PTPRZ1: variants seen among roughly 807,000 people sequenced by gnomAD.
The protein encoded by PTPRZ1 is protein tyrosine phosphatase receptor type Z1.
A neutral mutation model predicts 214.1 loss-of-function variants in PTPRZ1; 82 were observed. That is an observed-to-expected ratio of 0.38 (90% confidence interval 0.32 to 0.46). PTPRZ1 has a LOEUF of 0.46. Ranked by LOEUF, PTPRZ1 falls within the 20% of genes least tolerant of loss-of-function variation. The pLI, the probability that PTPRZ1 is intolerant of heterozygous loss-of-function variation, is 1.00. For missense variants in PTPRZ1, 2,603 were observed against 2,748.7 expected (o/e 0.95, Z 1.19); for synonymous variants, 945 against 987.9 (o/e 0.96, Z 0.81).
intron 27 of PTPRZ1, among the ~76,000 whole-genome samples, chr7:122,055,342 G>A (rs1792315843): frequency 6.6e-6 from 1 of 151,858 alleles, no homozygotes; most frequent in Non-Finnish European, 1.5e-5. Context: ...CAGATTAGTG[G>A]TTGACAGAAC....
chr7:122,054,917 C>G, intron 26 of PTPRZ1, 24 bp from the exon 27 acceptor site: 8 of 1,572,870 alleles, frequency 5.1e-6, no homozygotes, highest in Non-Finnish European at 6.9e-6. Flanking sequence ...AATCTAGACT[C>G]TTCTTTCATT....
At chr7:121,990,763 G>C (rs552483279) in intron 8 of PTPRZ1, among the ~76,000 whole-genome samples, 1 of 152,014 alleles carries the variant, frequency 6.6e-6, no homozygotes, top group African/African-American at 2.4e-5. Flanking sequence ...CAGGTGATCC[G>C]CCTGCCCTCA....
chr7:121,915,996 C>A (rs1795413174), intron 1 of PTPRZ1, among the ~76,000 whole-genome samples: 3 of 151,998 alleles, frequency 2.0e-5, no homozygotes, highest in Non-Finnish European at 4.4e-5. Flanking sequence ...TCTTTTTTGG[C>A]CAGGCGCAGT....
rs112395038 is a variant in PTPRZ1 at position 121,900,507 on chromosome 7, A to G, written c.58+26950A>G. ...CTCCATGAAGTCCTCAGCACCAGAG[A>G]CTAACTTACCACATGATATGTAAAT... is the stretch of plus-strand genomic sequence containing the variant. On this transcript the variant is annotated intron_variant, in intron 1 of 29. Coordinates refer to ENST00000393386, the MANE Select transcript of PTPRZ1 (RefSeq NM_002851.3). Among the ~76,000 whole-genome samples the G allele has an allele frequency of 5.4e-3, 816 of 152,314 alleles. 7 individuals are homozygous for G. Among genetic ancestry groups the G allele is most frequent in the African/African-American group, 0.018 (769 of 41,576 alleles).
chr7:122,020,915 A>T (rs1001591632), intron 13 of PTPRZ1, among the ~76,000 whole-genome samples: 1 of 152,176 alleles, frequency 6.6e-6, no homozygotes, highest in African/African-American at 2.4e-5. Flanking sequence ...ACAAAAATAA[A>T]TATTGCTTTT....
intron 2 of PTPRZ1, among the ~76,000 whole-genome samples, chr7:121,967,478 C>A (rs1442021306): frequency 6.6e-6 from 1 of 152,206 alleles, no homozygotes; most frequent in East Asian, 1.9e-4. Flanking sequence ...ACTCCTATAT[C>A]TGGATTCCTT....
intron 23 of PTPRZ1, among the ~76,000 whole-genome samples, chr7:122,047,450 G>A (rs1363872600): frequency 6.6e-6 from 1 of 151,964 alleles, no homozygotes; most frequent in Non-Finnish European, 1.5e-5. Flanking sequence ...ACCCTGGGTG[G>A]TACAAAGAGG....
intron 1 of PTPRZ1, among the ~76,000 whole-genome samples, chr7:121,909,727 C>A (rs555564588): frequency 2.7e-4 from 41 of 151,912 alleles, no homozygotes; most frequent in Non-Finnish European, 5.0e-4. Context: ...AATACTTATA[C>A]ATGAAAGTAA....
intron 1 of PTPRZ1, among the ~76,000 whole-genome samples, chr7:121,877,516 T>A (rs1367720525): frequency 1.3e-5 from 2 of 152,198 alleles, no homozygotes; most frequent in Admixed American, 6.5e-5. Context: ...CCGATGCATA[T>A]GGTCATGTAG....
At chr7:121,949,902 T>C (rs1350378598) in intron 2 of PTPRZ1, among the ~76,000 whole-genome samples, 10 of 152,156 alleles carry the variant, frequency 6.6e-5, no homozygotes, top group Admixed American at 6.5e-4. Context: ...ATCAAAGGTA[T>C]TTAAATATAA....
chr7:122,019,797 A>G (rs539300388), intron 13 of PTPRZ1, among the ~76,000 whole-genome samples: 6 of 152,322 alleles, frequency 3.9e-5, no homozygotes, highest in East Asian at 1.9e-4. Flanking sequence ...TTTAAGATAC[A>G]TATAATTTGC....
At chr7:121,873,692 C>T (rs1793958066) in intron 1 of PTPRZ1, 135 bp downstream of exon 1, 1 of 1,123,038 alleles carries the variant, frequency 8.9e-7, no homozygotes, top group East Asian at 2.5e-5. Flanking sequence ...AACTGGGCTC[C>T]CACGGAGCGG....
intron 23 of PTPRZ1, among the ~76,000 whole-genome samples, chr7:122,046,026 A>G (rs1167489980): frequency 6.6e-6 from 1 of 152,212 alleles, no homozygotes; most frequent in Non-Finnish European, 1.5e-5. Context: ...CACCTGCCAG[A>G]TGCCAGGCTT....
intron 23 of PTPRZ1, among the ~76,000 whole-genome samples, chr7:122,047,791 G>GC (rs1792046070): frequency 6.6e-6 from 1 of 151,920 alleles, no homozygotes; most frequent in South Asian, 2.1e-4. Flanking sequence ...TAGGACTATA[G>GC]TAAGTGTACA....
chr7:121,987,554 A>G (rs778663221), intron 8 of PTPRZ1, among the ~76,000 whole-genome samples: 1 of 152,158 alleles, frequency 6.6e-6, no homozygotes, highest in Non-Finnish European at 1.5e-5. Context: ...TTTTCCCTGC[A>G]GCCTCACTAG....
chr7:121,934,487 C>CA (rs529475632), intron 2 of PTPRZ1, among the ~76,000 whole-genome samples: 2,446 of 76,572 alleles, frequency 0.032, 108 homozygotes, highest in African/African-American at 0.067. Flanking sequence ...GACTCCGTCT[C>CA]AAAAAAAAAA....
At chr7:122,020,132 G>A (rs1190321364) in intron 13 of PTPRZ1, among the ~76,000 whole-genome samples, 1 of 151,984 alleles carries the variant, frequency 6.6e-6, no homozygotes, top group Non-Finnish European at 1.5e-5. Context: ...CTTTGTATCA[G>A]CACTCTTTAT....
intron 1 of PTPRZ1, among the ~76,000 whole-genome samples, chr7:121,887,600 A>G (rs533623652): frequency 6.6e-6 from 1 of 152,316 alleles, no homozygotes; most frequent in South Asian, 2.1e-4. Context: ...TACTCATGGC[A>G]TTCAGAGTTT....
intron 2 of PTPRZ1, among the ~76,000 whole-genome samples, chr7:121,961,484 A>G (rs1242544000): frequency 2.0e-5 from 3 of 152,142 alleles, no homozygotes; most frequent in Admixed American, 6.5e-5. Flanking sequence ...ATCCATGTTT[A>G]CTTTCCTTCA....
Sources: gnomAD v4.1 joint callset for allele counts (sites outside exome capture counted in the v4.1 genomes callset) on GRCh38, gnomAD v4.1.1 for gene constraint, MANE v1.5 for transcripts, NCBI Gene and HGNC (gene_info 2026-07-23, HGNC 2026-07-21) for gene names.